Variants in SND1 observed in about 807,000 individuals in gnomAD.
The protein encoded by SND1 is staphylococcal nuclease domain-containing protein 1.
SND1 carries 38 observed loss-of-function variants against 121.7 expected under a neutral mutation model. The observed-to-expected ratio is 0.31, with a 90% CI of 0.24 to 0.41. SND1 has a LOEUF of 0.41. Among genes scored for constraint, SND1 ranks in the 10% least tolerant of loss-of-function variants. SND1 has a pLI of 1.00. For synonymous variants in SND1, 401 were observed against 447.4 expected, an observed-to-expected ratio of 0.90 and a Z score of 1.31; for missense variants, 868 against 1,184.6, an observed-to-expected ratio of 0.73 and a Z score of 3.92.
At position 127,718,485 on chromosome 7, in the gene SND1, C is replaced by T. The variant is rs569662340; in HGVS notation, c.1039-2802C>T. The T allele has an allele frequency of 9.7e-6, 7 of 721,490 alleles. No homozygotes were observed. In the South Asian group the frequency reaches 3.7e-4, roughly 39 times the overall value. The allele number at this position is 721,490 out of a possible 1,614,324, so 44.7% of individuals were successfully genotyped here. A position where few individuals can be genotyped will look rare whatever the true frequency, so the allele number is the denominator to read the frequency against. ...ACCATAAACCCCACTTATACACACA[C>T]GCGGACACGCACGCATGCACTCACC... On this transcript the variant is annotated intron_variant, in intron 9 of 23. Transcript: ENST00000354725.
intron 16 of SND1, among the ~76,000 whole-genome samples, chr7:128,070,734 G>C (rs540933424): frequency 2.6e-5 from 4 of 152,298 alleles, no homozygotes; most frequent in Admixed American, 6.5e-5. Context: ...ATAGTCTCCA[G>C]TTTGAGGCAA....
intron 10 of SND1, among the ~76,000 whole-genome samples, chr7:127,773,451 CAA>C (rs879613987): frequency 9.7e-6 from 1 of 102,718 alleles, no homozygotes; most frequent in African/African-American, 3.9e-5. Context: ...GACTCCGTCT[CAA>C]AAAAAAAAAA....
intron 16 of SND1, among the ~76,000 whole-genome samples, chr7:128,063,974 A>G (rs2117037466): frequency 6.6e-6 from 1 of 152,354 alleles, no homozygotes; most frequent in African/African-American, 2.4e-5. Context: ...TGCTGTACTG[A>G]GGAATTCCAA....
chr7:128,065,404 C>T (rs1473780108), intron 16 of SND1, among the ~76,000 whole-genome samples: 1 of 152,242 alleles, frequency 6.6e-6, no homozygotes, highest in Admixed American at 6.5e-5. Flanking sequence ...CAGCTACTTC[C>T]TGCCTGGGAA....
intron 1 of SND1, among the ~76,000 whole-genome samples, chr7:127,664,068 C>A (rs373062006): frequency 3.3e-5 from 5 of 152,204 alleles, no homozygotes; most frequent in African/African-American, 9.7e-5. Flanking sequence ...CTCTGTTGCT[C>A]AGGCTGGAGT....
At chr7:127,888,236 G>T (rs944323266) in intron 13 of SND1, among the ~76,000 whole-genome samples, 1 of 152,032 alleles carries the variant, frequency 6.6e-6, no homozygotes, top group African/African-American at 2.4e-5. Flanking sequence ...ATGTAAAATA[G>T]GTATATATTA....
Position 128,029,541 on chromosome 7 carries a change from C to G in SND1, c.1779+38485C>G. 2 of 1,614,070 alleles carry G rather than the reference C, an allele frequency of 1.2e-6. No individual in the cohort carries two copies. The highest frequency in any genetic ancestry group is 2.7e-5 in the African/African-American group (2 of 75,024). Reference sequence around the variant, plus strand: ...CCGACACTTAAGTTCTGCCATCCGACCCTCAGAAATGTTGAGGTCTCGAGG... The same window carrying G: ...CCGACACTTAAGTTCTGCCATCCGAGCCTCAGAAATGTTGAGGTCTCGAGG... On this transcript the variant is annotated intron_variant, in intron 16 of 23. Coordinates refer to ENST00000354725, the MANE Select transcript of SND1 (RefSeq NM_014390.4). This position sits in a 1 kb window ranked among gnomAD's most constrained non-coding sequence, Gnocchi z 4.2.
At chr7:127,736,402 G>A (rs1033096781) in intron 10 of SND1, among the ~76,000 whole-genome samples, 1 of 152,184 alleles carries the variant, frequency 6.6e-6, no homozygotes, top group Admixed American at 6.5e-5. Context: ...CCTGAAACAT[G>A]ATTTTTAATG....
chr7:127,714,429 A>G lies in SND1; in HGVS notation c.1038+6782A>G, dbSNP rs1587614845. On this transcript the variant is annotated intron_variant, in intron 9 of 23. Coordinates refer to ENST00000354725, the MANE Select transcript of SND1 (RefSeq NM_014390.4). ...TTGCTGTGCTTCCAGTCATAGCTCT[A>G]GATGGAGTTCATTATCATGTCTCTG... Among the ~76,000 whole-genome samples, 8 of 152,328 alleles carry G rather than the reference A, an allele frequency of 5.3e-5. 2 individuals are homozygous for G. Among genetic ancestry groups the G allele is most frequent in the Admixed American group, 5.2e-4 (8 of 15,302 alleles).
At chr7:127,666,810 G>T (rs1795428381) in intron 1 of SND1, among the ~76,000 whole-genome samples, 1 of 152,080 alleles carries the variant, frequency 6.6e-6, no homozygotes, top group Admixed American at 6.5e-5. Flanking sequence ...ACAGAGGGCG[G>T]GAAGGGCCTG....
intron 1 of SND1, among the ~76,000 whole-genome samples, chr7:127,668,216 C>T (rs1015036685): frequency 6.6e-6 from 1 of 152,226 alleles, no homozygotes; most frequent in Non-Finnish European, 1.5e-5. Context: ...GATGTTTGCA[C>T]AGTAAAGTCT....
chr7:127,653,371 C>G (rs1795156314), intron 1 of SND1, among the ~76,000 whole-genome samples: 1 of 152,150 alleles, frequency 6.6e-6, no homozygotes, highest in Non-Finnish European at 1.5e-5. Context: ...CTTGGTTTTA[C>G]CAATTTTCTG....
chr7:127,937,448 T>G (rs1801085205), intron 15 of SND1, among the ~76,000 whole-genome samples: 1 of 151,570 alleles, frequency 6.6e-6, no homozygotes, highest in Non-Finnish European at 1.5e-5. Flanking sequence ...CTCCCAACCC[T>G]TCTCCCTTCT....
intron 16 of SND1, among the ~76,000 whole-genome samples, chr7:128,034,905 C>T (rs1008543187): frequency 1.3e-5 from 2 of 152,252 alleles, no homozygotes; most frequent in Non-Finnish European, 2.9e-5. Context: ...TCTTGCTCCT[C>T]ACAGCCCGTG....
chr7:127,784,940 A>T (rs1284451550), intron 10 of SND1, among the ~76,000 whole-genome samples: 1 of 151,988 alleles, frequency 6.6e-6, no homozygotes, highest in Non-Finnish European at 1.5e-5. Context: ...GTTTTTTGAG[A>T]CAGGGTCTTG....
rs1222202397 is a variant in SND1 at position 128,091,820 on chromosome 7, TTC to T, written c.2623-12_2623-11del. 6.2e-7 allele frequency: 1 copy of T among 1,614,042 alleles called. No individual in the cohort carries two copies. The highest frequency in any genetic ancestry group is 1.1e-5 in the South Asian group (1 of 91,080). On this transcript the variant is annotated splice_polypyrimidine_tract_variant and intron_variant, in intron 22 of 23. Coordinates refer to ENST00000354725, the MANE Select transcript of SND1 (RefSeq NM_014390.4). ...AGGGCAACTCTGACCACTCCCTTTCTTCTCTCGTCCCTCCAGATCACAGAATA... is the reference window on the plus strand; with the variant it reads ...AGGGCAACTCTGACCACTCCCTTTCTTCTCGTCCCTCCAGATCACAGAATA...
At chr7:127,737,489 C>T (rs926332958) in intron 10 of SND1, among the ~76,000 whole-genome samples, 8 of 152,126 alleles carry the variant, frequency 5.3e-5, no homozygotes, top group African/African-American at 1.2e-4. Flanking sequence ...ACAGGAGAAT[C>T]GCTTGAACCT....
chr7:127,964,395 GT>G, intron 15 of SND1, among the ~76,000 whole-genome samples: 1 of 146,006 alleles, frequency 6.8e-6, no homozygotes, highest in East Asian at 2.0e-4. Flanking sequence ...TAGGTCTAAC[GT>G]TTAAATCTTT....
At chr7:127,762,602 A>G (rs1797323832) in intron 10 of SND1, among the ~76,000 whole-genome samples, 1 of 152,252 alleles carries the variant, frequency 6.6e-6, no homozygotes, top group Non-Finnish European at 1.5e-5. Context: ...AGCATAGTTC[A>G]GTCTATGACA....
Sources: gnomAD v4.1 joint callset for allele counts (sites outside exome capture counted in the v4.1 genomes callset) on GRCh38, gnomAD v4.1.1 for gene constraint, Gnocchi (gnomAD v3.1) non-coding constraint, MANE v1.5 for transcripts, NCBI Gene and HGNC (gene_info 2026-07-23, HGNC 2026-07-21) for gene names.